The following FOCAD variants were observed in gnomAD, a reference collection of about 807,000 sequenced individuals.
FOCAD encodes the protein focadhesin.
FOCAD carries 198 observed loss-of-function variants against 225.6 expected under a neutral mutation model. The ratio of observed to expected loss-of-function variants is 0.88; its 90% CI spans 0.78 to 0.99. FOCAD has a LOEUF of 0.99. Among genes scored for constraint, FOCAD ranks in the 50% least tolerant of loss-of-function variants. The pLI, the probability that FOCAD is intolerant of heterozygous loss-of-function variation, is 0.00. For missense variants in FOCAD, 2,713 were observed against 2,123.6 expected (o/e 1.28, Z -5.46); for synonymous variants, 897 against 755.0 (o/e 1.19, Z -3.08).
chr9:20,911,153 G>A (rs1237048190), intron 22 of FOCAD, among the ~76,000 whole-genome samples: 2 of 152,054 alleles, frequency 1.3e-5, no homozygotes, highest in Non-Finnish European at 2.9e-5. Flanking sequence ...ACTCCTGGGA[G>A]GCCAATATTA....
chr9:20,760,946 A>G (rs1829537038), intron 6 of FOCAD, among the ~76,000 whole-genome samples: 1 of 152,128 alleles, frequency 6.6e-6, no homozygotes, highest in Non-Finnish European at 1.5e-5. Context: ...TTGTAAGGAT[A>G]GCTAGCTATT....
chr9:20,919,062 A>AT (rs1400248613), intron 24 of FOCAD, among the ~76,000 whole-genome samples: 1 of 152,166 alleles, frequency 6.6e-6, no homozygotes, highest in Non-Finnish European at 1.5e-5. Context: ...GATGATCCTG[A>AT]TTTGTTCATG....
Position 20,988,453 on chromosome 9 carries a change from T to C in FOCAD, c.5004+24T>C, listed in dbSNP as rs1237999086. ...AGGTAAAATCTAGAGGAGTAGTTTA[T>C]AGCTTCCTTAAAATACAGAACTTAT... On this transcript the variant is annotated intron_variant, in intron 41 of 43. Coordinates refer to ENST00000338382, the MANE Select transcript of FOCAD (RefSeq NM_001375567.1). 3 of 1,371,066 alleles carry C rather than the reference T, an allele frequency of 2.2e-6. No homozygotes were observed. The South Asian group carries it at 3.7e-5, about 17-fold the overall frequency. 84.9% of individuals were successfully genotyped at this position (1,371,066 alleles called of 1,614,324 possible).
At chr9:20,707,787 A>G (rs894657452) in intron 1 of FOCAD, among the ~76,000 whole-genome samples, 7 of 152,210 alleles carry the variant, frequency 4.6e-5, no homozygotes, top group Non-Finnish European at 1.0e-4. Flanking sequence ...AACTGTGGTT[A>G]AAAGGGTTCC....
intron 2 of FOCAD, among the ~76,000 whole-genome samples, chr9:20,669,181 T>G (rs555533308): frequency 2.6e-5 from 4 of 152,178 alleles, no homozygotes; most frequent in Middle Eastern, 3.4e-3. Context: ...TGAAAAAAAT[T>G]TAAGGGGGTG....
At chr9:20,865,020 C>G (rs1215132872) in intron 16 of FOCAD, among the ~76,000 whole-genome samples, 1 of 152,092 alleles carries the variant, frequency 6.6e-6, no homozygotes, top group African/African-American at 2.4e-5. Flanking sequence ...TAAGTGAAAG[C>G]TGATGTCTGA....
intron 17 of FOCAD, among the ~76,000 whole-genome samples, 170 bp from the exon 18 acceptor site, chr9:20,866,758 CT>C (rs1471982727): frequency 6.6e-6 from 1 of 151,586 alleles, no homozygotes; most frequent in Non-Finnish European, 1.5e-5. Flanking sequence ...AGTAAATATC[CT>C]TTTAGCTAGG....
intron 7 of FOCAD, among the ~76,000 whole-genome samples, chr9:20,766,246 C>A (rs1416332335): frequency 6.6e-6 from 1 of 151,984 alleles, no homozygotes; most frequent in Non-Finnish European, 1.5e-5. Context: ...TTTAACCTAA[C>A]AGTTATGTAA....
intron 35 of FOCAD, among the ~76,000 whole-genome samples, chr9:20,960,788 A>T (rs118107041): frequency 0.022 from 3,030 of 139,632 alleles, 46 homozygotes; most frequent in Middle Eastern, 0.044. Context: ...CCTGTGTCCA[A>T]TGTGTCCAAG....
chr9:20,924,441 C>G (rs951411586), intron 25 of FOCAD, among the ~76,000 whole-genome samples: 1 of 152,192 alleles, frequency 6.6e-6, no homozygotes, highest in Non-Finnish European at 1.5e-5. Flanking sequence ...GCAATTTCCT[C>G]TTTCAGAACC....
At chr9:20,918,870 T>C (rs1430456134) in intron 24 of FOCAD, among the ~76,000 whole-genome samples, 1 of 152,194 alleles carries the variant, frequency 6.6e-6, no homozygotes, top group Admixed American at 6.5e-5. Flanking sequence ...GAAAAAATCA[T>C]TCTGTCACCC....
chr9:20,861,537 CA>C (rs1395555745), intron 15 of FOCAD, among the ~76,000 whole-genome samples: 3 of 152,156 alleles, frequency 2.0e-5, no homozygotes, highest in African/African-American at 7.2e-5. Context: ...AAAGTAAGAG[CA>C]AATGCACTGA....
chr9:20,967,285 A>G lies in FOCAD; in HGVS notation c.4133-9135A>G, dbSNP rs1045605252. On this transcript the variant is annotated intron_variant, in intron 35 of 43. Coordinates refer to ENST00000338382, the MANE Select transcript of FOCAD (RefSeq NM_001375567.1). The stretch of plus-strand genomic sequence containing the variant: ...TTTCATTCTTTTGAGTGCTATTGCA[A>G]GTGGAATTTTTTCTAAATTTCTTTT... Among the ~76,000 whole-genome samples the G allele has an allele frequency of 3.9e-5, 6 of 152,114 alleles. No homozygotes were observed. The East Asian group carries it at 1.2e-3, about 29-fold the overall frequency.
rs774572221 is a variant in FOCAD at position 20,684,853 on chromosome 9, C to T, written c.-33+560C>T. On this transcript the variant is annotated intron_variant, in intron 1 of 43. Transcript: ENST00000338382. ...TGTTTTCAGTCTCCTAGTTCTCTGG[C>T]TCCGTCCGCACTTGCGGCAATTACT... Among the ~76,000 whole-genome samples, 66 of 152,222 alleles carry T rather than the reference C, an allele frequency of 4.3e-4. 1 individual carries two copies. Among genetic ancestry groups the T allele is most frequent in the Non-Finnish European group, 8.7e-4 (59 of 68,050 alleles).
chr9:20,727,098 C>T (rs541847107), intron 4 of FOCAD, among the ~76,000 whole-genome samples: 3 of 152,110 alleles, frequency 2.0e-5, no homozygotes, highest in African/African-American at 7.2e-5. Context: ...TAGTCCATGT[C>T]TGTTTCCCAT....
chr9:20,741,216 C>T (rs770014582), intron 5 of FOCAD, among the ~76,000 whole-genome samples: 1 of 152,170 alleles, frequency 6.6e-6, no homozygotes, highest in South Asian at 2.1e-4. Context: ...ATTGATCTTA[C>T]AGCACCTGTA....
intron 2 of FOCAD, among the ~76,000 whole-genome samples, chr9:20,667,157 T>C (rs1253299163): frequency 2.0e-5 from 3 of 152,240 alleles, no homozygotes; most frequent in Non-Finnish European, 2.9e-5. Flanking sequence ...TCTTTGTCTA[T>C]CTTATAAAGT....
chr9:20,815,123 G>GTTTTTTT (rs71334554), intron 11 of FOCAD, among the ~76,000 whole-genome samples: 13 of 85,392 alleles, frequency 1.5e-4, no homozygotes, highest in African/African-American at 1.9e-4. Flanking sequence ...ACTTCTCTTT[G>GTTTTTTT]TTTTTTTTTT....
chr9:20,754,734 A>C (rs960810638), intron 5 of FOCAD, among the ~76,000 whole-genome samples: 34 of 152,242 alleles, frequency 2.2e-4, no homozygotes, highest in African/African-American at 7.2e-4. Context: ...ACTTGTATCT[A>C]GTGGGTGGAG....
Sources: allele counts gnomAD v4.1 joint callset (sites outside exome capture counted in the v4.1 genomes callset), GRCh38; gene constraint gnomAD v4.1.1; transcripts MANE v1.5; gene names NCBI Gene and HGNC (gene_info 2026-07-23, HGNC 2026-07-21).